Variants in DOCK10 observed in about 807,000 individuals in gnomAD.
DOCK10 encodes the protein dedicator of cytokinesis protein 10.
In DOCK10, 145 loss-of-function variants were observed where a neutral mutation model predicts 280.1. The ratio of observed to expected loss-of-function variants is 0.52; its 90% confidence interval spans 0.45 to 0.59. The LOEUF (loss-of-function observed/expected upper bound fraction) is 0.59. Among genes scored for constraint, DOCK10 ranks in the 20% least tolerant of loss-of-function variants. The pLI is 0.00. For missense variants in DOCK10, 2,368 were observed against 2,651.7 expected (o/e 0.89, Z 2.35); for synonymous variants, 915 against 942.2 (o/e 0.97, Z 0.53).
At position 224,874,733 on chromosome 2, in the gene DOCK10, A is replaced by G. The variant is rs915237966; in HGVS notation, c.950T>C (p.Val317Ala). Reference sequence around the variant, plus strand: ...TTCCTCTGGCGTGCATTCACAAGTTACAGAATTATCCAGCGAATCTTAAAA... The same window carrying G: ...TTCCTCTGGCGTGCATTCACAAGTTGCAGAATTATCCAGCGAATCTTAAAA... ...DLGLDSLDNSVTCECTPEETD... is the reference protein window; with the variant it reads ...DLGLDSLDNSATCECTPEETD... Residue 317 changes from valine to alanine, a missense_variant, in exon 9 of 56, where the codon GTA becomes GCA. Val to Ala is a moderately conservative substitution (Grantham distance 64). Transcript: ENST00000258390. 5 of 1,613,758 alleles carry G rather than the reference A, an allele frequency of 3.1e-6. No homozygotes were observed. Among genetic ancestry groups the G allele is most frequent in the Admixed American group, 1.7e-5 (1 of 60,008 alleles).
intron 31 of DOCK10, among the ~76,000 whole-genome samples, chr2:224,809,957 G>T (rs1693648298): frequency 7.4e-6 from 1 of 135,982 alleles, no homozygotes; most frequent in Non-Finnish European, 1.5e-5. Flanking sequence ...ATTAAAAATG[G>T]TATATACATA....
chr2:224,802,156 G>A lies in DOCK10; in HGVS notation c.4269-116C>T, dbSNP rs557650542. On this transcript the variant is annotated intron_variant, in intron 39 of 55. Coordinates refer to ENST00000258390, the MANE Select transcript of DOCK10 (RefSeq NM_014689.3). ...CAAATATTAAAAACTAGTTTGGAAAGCAACTTTTTATTACAAATATTAATT... is the reference window on the plus strand; with the variant it reads ...CAAATATTAAAAACTAGTTTGGAAAACAACTTTTTATTACAAATATTAATT... 234 of 1,064,930 alleles carry A rather than the reference G, an allele frequency of 2.2e-4. No homozygotes were observed. The African/African-American group carries it at 3.4e-3, about 15-fold the overall frequency. The allele number at this position is 1,064,930 out of a possible 1,614,324, so 66.0% of individuals were successfully genotyped here. A position where few individuals can be genotyped will look rare whatever the true frequency, so the allele number is the denominator to read the frequency against.
intron 19 of DOCK10, among the ~76,000 whole-genome samples, chr2:224,847,880 A>G (rs1190475840): frequency 6.6e-6 from 1 of 152,206 alleles, no homozygotes; most frequent in Non-Finnish European, 1.5e-5. Flanking sequence ...AATCCTGCCA[A>G]TATGCCACCT....
rs6738513 is a variant in DOCK10, at chr2:224,786,088, C to T, written c.5655+934G>A. 0.015 allele frequency among the ~76,000 whole-genome samples: 2,314 copies of T among 152,158 alleles called. 63 individuals carry two copies. The highest frequency in any genetic ancestry group is 0.053 in the African/African-American group (2,192 of 41,530). On this transcript the variant is annotated intron_variant, in intron 50 of 55. Coordinates refer to ENST00000258390, the MANE Select transcript of DOCK10 (RefSeq NM_014689.3). This position sits in a 1 kb window ranked among gnomAD's most constrained non-coding sequence, Gnocchi z 4.7. ...GCACCTGCCTGTAATCCCAGCTACT[C>T]GGGAGGCTGAGGCAGGAGAATTGCT...
chr2:224,785,601 C>A (rs1354554173), intron 50 of DOCK10, among the ~76,000 whole-genome samples: 1 of 152,110 alleles, frequency 6.6e-6, no homozygotes. Flanking sequence ...CTGCCTCAGT[C>A]TCCTGAGTAG....
In DOCK10 at chr2:224,933,162, A is replaced by C. The variant is rs917117456; in HGVS notation, c.124-1494T>G. Among the ~76,000 whole-genome samples, 4 of 152,224 alleles carry C rather than the reference A, an allele frequency of 2.6e-5. No individual in the cohort carries two copies. In the East Asian group the frequency reaches 7.7e-4, roughly 29 times the overall value. On this transcript the variant is annotated intron_variant, in intron 1 of 55. Coordinates refer to ENST00000258390, the MANE Select transcript of DOCK10 (RefSeq NM_014689.3). ...ATGAAAGAGCTGTGAGACATTGAGT[A>C]TTTTGAGGAAGAAAATTCAGAGATG... is the stretch of plus-strand genomic sequence containing the variant.
rs974641564 is a variant in DOCK10, at chr2:224,855,605, C to T, written c.1809-563G>A. On this transcript the variant is annotated intron_variant, in intron 15 of 55. Transcript: ENST00000258390. Reference sequence around the variant, plus strand: ...CCCTTCCCCACCTGTCTCCCACTCACATGCACTCCCCGGCTCAAGTCCTTG... The same window carrying T: ...CCCTTCCCCACCTGTCTCCCACTCATATGCACTCCCCGGCTCAAGTCCTTG... 9.2e-5 allele frequency among the ~76,000 whole-genome samples: 14 copies of T among 152,318 alleles called. No individual in the cohort carries two copies. The South Asian group carries it at 2.9e-3, about 32-fold the overall frequency.
chr2:224,768,628 A>G (rs958041460), intron 55 of DOCK10, among the ~76,000 whole-genome samples: 1 of 152,230 alleles, frequency 6.6e-6, no homozygotes, highest in South Asian at 2.1e-4. Flanking sequence ...CAGCTCAAAT[A>G]TACTTTAGAA....
chr2:224,923,081 A>C (rs912091329), intron 2 of DOCK10, among the ~76,000 whole-genome samples: 3 of 152,096 alleles, frequency 2.0e-5, no homozygotes, highest in Non-Finnish European at 4.4e-5. Context: ...TTGTGATTTT[A>C]TTTTACTTAT....
chr2:224,965,236 C>T (rs1350056204), intron 1 of DOCK10, among the ~76,000 whole-genome samples: 1 of 152,124 alleles, frequency 6.6e-6, no homozygotes, highest in Non-Finnish European at 1.5e-5. Flanking sequence ...ATAGTGTGTG[C>T]AAAGTTCAAG....
chr2:224,898,860 C>A (rs549059583), intron 3 of DOCK10, among the ~76,000 whole-genome samples: 2 of 152,206 alleles, frequency 1.3e-5, no homozygotes, highest in Non-Finnish European at 2.9e-5. Context: ...CAGGCGTGAG[C>A]CACCGCACCG....
intron 19 of DOCK10, among the ~76,000 whole-genome samples, chr2:224,848,373 A>AT (rs943914368): frequency 2.0e-5 from 3 of 152,138 alleles, no homozygotes; most frequent in African/African-American, 7.2e-5. Flanking sequence ...TAGAAATTAA[A>AT]TTTTTTCACT....
intron 22 of DOCK10, among the ~76,000 whole-genome samples, chr2:224,844,229 C>T (rs1696174021): frequency 6.6e-6 from 1 of 152,192 alleles, no homozygotes; most frequent in Non-Finnish European, 1.5e-5. Flanking sequence ...CTCCCGAGTT[C>T]AAGAGATTCT....
At chr2:224,772,919 A>G (rs1374149534) in intron 53 of DOCK10, among the ~76,000 whole-genome samples, 5 of 152,240 alleles carry the variant, frequency 3.3e-5, no homozygotes, top group Non-Finnish European at 5.9e-5. Flanking sequence ...ATGGGATAGC[A>G]AGGTGGAGGA....
At position 225,042,358 on chromosome 2, in the gene DOCK10, G is replaced by A; in HGVS notation, c.17C>T (p.Thr6Ile). MAGERTRRFTRSLLRP... is the reference protein window; with the variant it reads MAGERIRRFTRSLLRP... Reference sequence around the variant, plus strand: ...CAACAGGCTCCGGGTGAACCTGCGGGTCCGCTCACCGGCCATCGCCGGTCA... The same window carrying A: ...CAACAGGCTCCGGGTGAACCTGCGGATCCGCTCACCGGCCATCGCCGGTCA... The change falls in exon 1 of 56, where the codon ACC (threonine) becomes ATC (isoleucine). Residue 6 changes from threonine (T) to isoleucine (I), a missense_variant. Coordinates refer to ENST00000258390, the MANE Select transcript of DOCK10 (RefSeq NM_014689.3). The surrounding 1 kb of genome is among the most constrained non-coding windows in gnomAD (Gnocchi z 5.1). 7.8e-7 allele frequency: 1 copy of A among 1,284,296 alleles called. No homozygotes were observed. The highest frequency in any genetic ancestry group is 9.9e-7 in the Non-Finnish European group (1 of 1,013,722). 79.6% of individuals were successfully genotyped at this position (1,284,296 alleles called of 1,614,324 possible). A position where few individuals can be genotyped will look rare whatever the true frequency, so the allele number is the denominator to read the frequency against.
chr2:224,885,069 G>A lies in DOCK10; in HGVS notation c.747+602C>T, dbSNP rs1246668228. Among the ~76,000 whole-genome samples the A allele has an allele frequency of 3.3e-5, 5 of 152,086 alleles. No homozygotes were observed. In the East Asian group the frequency reaches 5.8e-4, roughly 18 times the overall value. On this transcript the variant is annotated intron_variant, in intron 7 of 55. Transcript: ENST00000258390. ...GTCTGGAGTGCAGTGGCACGATCTCGGCTCACTGCAACCTCCGCCTCCTGG... is the reference window on the plus strand; with the variant it reads ...GTCTGGAGTGCAGTGGCACGATCTCAGCTCACTGCAACCTCCGCCTCCTGG...
At position 224,845,573 on chromosome 2, in the gene DOCK10, A is replaced by AG; in HGVS notation, c.2304dup (p.Cys769LeufsTer2). On this transcript the variant is annotated frameshift_variant, in exon 20 of 56. Transcript: ENST00000258390. LOFTEE classifies it high-confidence loss of function. ...GCATTAGCTTTTGCATTGATGTCAC[A>AG]GGTGACGTGATAAAAAGAAAACAAA... 1 of 1,613,446 alleles carries AG rather than the reference A, an allele frequency of 6.2e-7. No individual in the cohort carries two copies. The highest frequency in any genetic ancestry group is 8.5e-7 in the Non-Finnish European group (1 of 1,179,550).
At chr2:224,987,861 G>T (rs575597339) in intron 1 of DOCK10, among the ~76,000 whole-genome samples, 1 of 152,308 alleles carries the variant, frequency 6.6e-6, no homozygotes, top group East Asian at 1.9e-4. Context: ...CCAAATGACA[G>T]CCTGGTGGAA....
At chr2:225,014,227 A>G (rs1689531163) in intron 1 of DOCK10, among the ~76,000 whole-genome samples, 1 of 151,432 alleles carries the variant, frequency 6.6e-6, no homozygotes, top group Non-Finnish European at 1.5e-5. Context: ...TGATGATATC[A>G]TCTGTTTTCT....
Sources: allele counts gnomAD v4.1 joint callset (sites outside exome capture counted in the v4.1 genomes callset), GRCh38; gene constraint gnomAD v4.1.1; non-coding constraint Gnocchi (gnomAD v3.1); transcripts MANE v1.5; gene names NCBI Gene and HGNC (gene_info 2026-07-23, HGNC 2026-07-21).